The following FAIM variants were observed in gnomAD, a reference collection of about 807,000 sequenced individuals.
FAIM encodes the protein Fas apoptotic inhibitory molecule.
FAIM carries 14 observed loss-of-function variants against 21.2 expected under a neutral mutation model. The ratio of observed to expected loss-of-function variants is 0.66; its 90% CI spans 0.44 to 1.03. FAIM has a LOEUF of 1.03. Among genes scored for constraint, FAIM ranks in the 50% least tolerant of loss-of-function variants. FAIM has a pLI of 0.00. For synonymous variants in FAIM, 86 were observed against 80.4 expected, an observed-to-expected ratio of 1.07 and a Z score of -0.37; for missense variants, 222 against 247.1, an observed-to-expected ratio of 0.90 and a Z score of 0.68.
rs114855463 is a variant in FAIM at position 138,620,411 on chromosome 3, T to C, written c.44+641T>C. On this transcript the variant is annotated intron_variant, in intron 2 of 5. Transcript: ENST00000360570. Reference sequence around the variant, plus strand: ...ATATCAAAATATTAATTAGATATTATGTATTATGTCATTCACATAGGATAT... The same window carrying C: ...ATATCAAAATATTAATTAGATATTACGTATTATGTCATTCACATAGGATAT... 3.9e-3 allele frequency among the ~76,000 whole-genome samples: 591 copies of C among 152,356 alleles called. 3 individuals are homozygous for C. Among genetic ancestry groups the C allele is most frequent in the African/African-American group, 0.014 (577 of 41,580 alleles).
At chr3:138,609,574 C>A (rs2042738740) in intron 1 of FAIM, among the ~76,000 whole-genome samples, 1 of 90,894 alleles carries the variant, frequency 1.1e-5, no homozygotes, top group African/African-American at 4.3e-5. Flanking sequence ...CTCTCTCTCT[C>A]TCGACTCTCT....
At chr3:138,630,220 G>A (rs1481609049) in intron 5 of FAIM, 2 of 152,198 alleles carry the variant, frequency 1.3e-5, no homozygotes, top group African/African-American at 4.8e-5. Flanking sequence ...GATTTTGGTA[G>A]TTGGAGGAAA....
intron 4 of FAIM, among the ~76,000 whole-genome samples, chr3:138,625,509 A>G (rs2042930257): frequency 6.6e-6 from 1 of 152,014 alleles, no homozygotes; most frequent in African/African-American, 2.4e-5. Context: ...ATTTGTGGTG[A>G]TTATTACTAC....
Position 138,627,690 on chromosome 3 carries a change from T to A in FAIM, c.407-1417T>A, listed in dbSNP as rs181206390. ...GCACTGATCATGTCTTGGGACAAGT[T>A]GAGTTTACCTGCACCTGTGACTATA... On this transcript the variant is annotated intron_variant, in intron 4 of 5. Coordinates refer to ENST00000360570, the MANE Select transcript of FAIM (RefSeq NM_001033031.2). Among the ~76,000 whole-genome samples, 9 of 152,280 alleles carry A rather than the reference T, an allele frequency of 5.9e-5. No individual in the cohort carries two copies. In the East Asian group the frequency reaches 1.7e-3, roughly 29 times the overall value.
intron 1 of FAIM, among the ~76,000 whole-genome samples, chr3:138,613,011 C>CT (rs35341179): frequency 0.013 from 1,867 of 142,046 alleles, 45 homozygotes; most frequent in African/African-American, 0.04. Flanking sequence ...AGTCCTTTGC[C>CT]TTTTTTTTTT....
intron 5 of FAIM, among the ~76,000 whole-genome samples, chr3:138,632,660 G>T (rs1020063968): frequency 1.3e-5 from 2 of 151,918 alleles, no homozygotes; most frequent in African/African-American, 4.8e-5. Context: ...TTTTATTTTT[G>T]AAAACATAGA....
At chr3:138,623,167 A>G (rs2108348821) in intron 4 of FAIM, among the ~76,000 whole-genome samples, 1 of 152,334 alleles carries the variant, frequency 6.6e-6, no homozygotes, top group South Asian at 2.1e-4. Context: ...CCTAGATAAC[A>G]ATAGGCTTAG....
chr3:138,611,040 T>C, intron 1 of FAIM: 1 of 1,610,176 alleles, frequency 6.2e-7, no homozygotes, highest in Non-Finnish European at 8.5e-7. Flanking sequence ...ACTCTGAGGT[T>C]AGTGCCCTGC....
At chr3:138,614,692 G>A (rs896778867) in intron 1 of FAIM, among the ~76,000 whole-genome samples, 1 of 152,158 alleles carries the variant, frequency 6.6e-6, no homozygotes, top group African/African-American at 2.4e-5. Context: ...TGTAATCTCA[G>A]CACCTTGGGA....
chr3:138,621,306 C>G, intron 2 of FAIM, 101 bp from the exon 3 acceptor site: 4 of 1,241,196 alleles, frequency 3.2e-6, no homozygotes, highest in Non-Finnish European at 4.6e-6. Context: ...AATATTTTGA[C>G]ATTTTAGAGG....
At chr3:138,609,610 CTCGACT>C in intron 1 of FAIM, among the ~76,000 whole-genome samples, 1 of 103,478 alleles carries the variant, frequency 9.7e-6, no homozygotes. Context: ...CTCTCTCTCT[CTCGACT>C]CTCTCTCTCT....
chr3:138,625,616 T>G (rs1340410712), intron 4 of FAIM, among the ~76,000 whole-genome samples: 2 of 152,244 alleles, frequency 1.3e-5, no homozygotes, highest in Admixed American at 6.5e-5. Flanking sequence ...TATGACTTGC[T>G]AAATTTTATA....
intron 1 of FAIM, among the ~76,000 whole-genome samples, chr3:138,609,582 T>TCTCC (rs2042740791): frequency 4.4e-5 from 1 of 22,926 alleles, no homozygotes; most frequent in African/African-American, 1.4e-4. Context: ...CTCTCGACTC[T>TCTCC]CTCTCTCTCG....
chr3:138,628,252 C>T (rs551808534), intron 4 of FAIM, among the ~76,000 whole-genome samples: 1 of 152,168 alleles, frequency 6.6e-6, no homozygotes, highest in South Asian at 2.1e-4. Context: ...AAGGAATAGA[C>T]ATTATTGTAC....
rs2042864425 is a variant in FAIM at position 138,619,740 on chromosome 3, A to G, written c.14A>G (p.Asp5Gly). The G allele has an allele frequency of 1.2e-6, 2 of 1,613,594 alleles. No homozygotes were observed. The highest frequency in any genetic ancestry group is 3.3e-5 in the Admixed American group (2 of 59,898). ...TTTTTGCCAACCATGGCATCTGGAG[A>G]TGACAGTCCTATCTTTGAAGATGAT... MASG[D>G]DSPIFEDDES... is the part of the protein sequence containing the mutation. Residue 5 changes from aspartate to glycine, a missense_variant, in exon 2 of 6, where the codon GAT (aspartate) becomes GGT (glycine). Physicochemically the swap from Asp to Gly is moderately conservative, Grantham distance 94. Coordinates refer to ENST00000360570, the MANE Select transcript of FAIM (RefSeq NM_001033031.2).
chr3:138,624,969 C>T (rs1418169821), intron 4 of FAIM, among the ~76,000 whole-genome samples: 1 of 151,892 alleles, frequency 6.6e-6, no homozygotes, highest in Non-Finnish European at 1.5e-5. Context: ...AGTTCAAGAC[C>T]AGCCTGGGCA....
Position 138,621,556 on chromosome 3 carries a change from T to C in FAIM, c.177+17T>C. Reference sequence around the variant, plus strand: ...GATGGAAAGGTAGGAAGAAAATATGTTACTTTGTAAAATATGATATATAGA... The same window carrying C: ...GATGGAAAGGTAGGAAGAAAATATGCTACTTTGTAAAATATGATATATAGA... On this transcript the variant is annotated intron_variant, in intron 3 of 5. Coordinates refer to ENST00000360570, the MANE Select transcript of FAIM (RefSeq NM_001033031.2). 2 of 1,606,298 alleles carry C rather than the reference T, an allele frequency of 1.2e-6. No homozygotes were observed. Among genetic ancestry groups the C allele is most frequent in the Non-Finnish European group, 1.7e-6 (2 of 1,176,380 alleles).
intron 4 of FAIM, among the ~76,000 whole-genome samples, chr3:138,628,136 G>A (rs1023687411): frequency 4.6e-5 from 7 of 152,120 alleles, no homozygotes; most frequent in Admixed American, 3.9e-4. Flanking sequence ...TAAGTGTGTC[G>A]GGGCAGCATT....
At chr3:138,625,555 G>C (rs1047607218) in intron 4 of FAIM, among the ~76,000 whole-genome samples, 2 of 151,920 alleles carry the variant, frequency 1.3e-5, no homozygotes, top group Non-Finnish European at 2.9e-5. Flanking sequence ...AGAGTCTCCT[G>C]GTAAAATTCA....
Sources: gnomAD v4.1 joint callset for allele counts (sites outside exome capture counted in the v4.1 genomes callset) on GRCh38, gnomAD v4.1.1 for gene constraint, MANE v1.5 for transcripts, NCBI Gene and HGNC (gene_info 2026-07-23, HGNC 2026-07-21) for gene names.